ADAM32: variants seen among roughly 807,000 people sequenced by gnomAD.
The protein encoded by ADAM32 is disintegrin and metalloproteinase domain-containing protein 32.
ADAM32 carries 89 observed loss-of-function variants against 114.9 expected under a neutral mutation model. That is an observed-to-expected ratio of 0.77 (90% CI 0.65 to 0.92). The LOEUF is 0.92. Ranked by LOEUF, ADAM32 falls within the 40% of genes least tolerant of loss-of-function variation. The pLI, the probability that ADAM32 is intolerant of heterozygous loss-of-function variation, is 0.00. For synonymous variants in ADAM32, 285 were observed against 307.5 expected, an observed-to-expected ratio of 0.93 and a Z score of 0.77; for missense variants, 870 against 932.8, an observed-to-expected ratio of 0.93 and a Z score of 0.88.
intron 14 of ADAM32, 118 bp downstream of exon 14, chr8:39,223,356 G>A (rs1809117769): frequency 3.8e-6 from 2 of 530,858 alleles, no homozygotes; most frequent in East Asian, 3.7e-5. Context: ...ATAAAATGTG[G>A]AATATTGTTT....
chr8:39,135,611 C>A (rs1214385773), intron 2 of ADAM32, among the ~76,000 whole-genome samples: 18 of 152,272 alleles, frequency 1.2e-4, no homozygotes, highest in Non-Finnish European at 1.5e-5. Context: ...TTGTCTTCTA[C>A]TGTCCATTTT....
intron 2 of ADAM32, among the ~76,000 whole-genome samples, chr8:39,121,643 A>T (rs567305284): frequency 6.6e-6 from 1 of 152,186 alleles, no homozygotes; most frequent in African/African-American, 2.4e-5. Context: ...CAATTCAGAG[A>T]TCATCAGGGC....
chr8:39,115,068 A>AT (rs1488149622), intron 1 of ADAM32, among the ~76,000 whole-genome samples: 2 of 152,212 alleles, frequency 1.3e-5, no homozygotes, highest in Non-Finnish European at 2.9e-5. Context: ...TTATGGCTGT[A>AT]TAGTATTCCA....
chr8:39,119,739 T>C, intron 2 of ADAM32, among the ~76,000 whole-genome samples: 1 of 152,226 alleles, frequency 6.6e-6, no homozygotes, highest in East Asian at 1.9e-4. Flanking sequence ...TTTATGGATC[T>C]TGTTTTTGGT....
intron 19 of ADAM32, among the ~76,000 whole-genome samples, chr8:39,259,408 C>T (rs1585666732): frequency 2.0e-5 from 3 of 152,044 alleles, no homozygotes; most frequent in Admixed American, 6.5e-5. Flanking sequence ...TCCATGTCAG[C>T]AGCTGCTCTC....
chr8:39,184,442 A>C (rs561672152), intron 10 of ADAM32, among the ~76,000 whole-genome samples: 1 of 152,324 alleles, frequency 6.6e-6, no homozygotes, highest in South Asian at 2.1e-4. Flanking sequence ...TTTTGGATTT[A>C]CTGTTAGATG....
chr8:39,161,968 C>T (rs1193782701), intron 7 of ADAM32, among the ~76,000 whole-genome samples: 3 of 148,164 alleles, frequency 2.0e-5, no homozygotes, highest in Non-Finnish European at 3.0e-5. Flanking sequence ...AAAAGCTTCT[C>T]CAAATTGCCA....
At chr8:39,270,781 G>T in intron 19 of ADAM32, 95 bp from the exon 20 acceptor site, 1 of 884,928 alleles carries the variant, frequency 1.1e-6, no homozygotes, top group East Asian at 2.7e-5. Flanking sequence ...AGTCTTATAA[G>T]GAGATAATAC....
intron 11 of ADAM32, among the ~76,000 whole-genome samples, chr8:39,206,524 A>G (rs868119693): frequency 1.2e-4 from 19 of 152,208 alleles, no homozygotes; most frequent in African/African-American, 4.1e-4. Context: ...CTCTGAAGGT[A>G]GATGCAGGTA....
chr8:39,147,922 C>G (rs995143513), intron 4 of ADAM32, among the ~76,000 whole-genome samples: 11 of 152,014 alleles, frequency 7.2e-5, no homozygotes, highest in African/African-American at 2.4e-4. Context: ...TACAGGCATG[C>G]ACCACCATGC....
intron 18 of ADAM32, among the ~76,000 whole-genome samples, chr8:39,256,827 A>C (rs1332438866): frequency 1.3e-5 from 2 of 152,056 alleles, no homozygotes; most frequent in African/African-American, 4.8e-5. Context: ...AATACACTGA[A>C]TTCCTTTGAT....
chr8:39,132,487 AT>A, intron 2 of ADAM32, among the ~76,000 whole-genome samples: 1 of 152,280 alleles, frequency 6.6e-6, no homozygotes, highest in South Asian at 2.1e-4. Context: ...TTACATCCAT[AT>A]TTTTTAAACC....
chr8:39,160,412 C>T (rs1321025579), intron 6 of ADAM32, among the ~76,000 whole-genome samples: 8 of 151,948 alleles, frequency 5.3e-5, no homozygotes, highest in African/African-American at 1.9e-4. Flanking sequence ...TGGTGGCAGG[C>T]GCCTGTAGTC....
At chr8:39,147,985 G>A (rs542416040) in intron 4 of ADAM32, among the ~76,000 whole-genome samples, 152 of 151,908 alleles carry the variant, frequency 1.0e-3, no homozygotes, top group African/African-American at 3.5e-3. Flanking sequence ...CACCATGTTG[G>A]CCAGGCTTGT....
At chr8:39,191,338 A>T (rs1806591600) in intron 11 of ADAM32, among the ~76,000 whole-genome samples, 1 of 152,216 alleles carries the variant, frequency 6.6e-6, no homozygotes, top group Admixed American at 6.5e-5. Flanking sequence ...CACGTTTTCT[A>T]CAATGGTTGA....
intron 19 of ADAM32, among the ~76,000 whole-genome samples, chr8:39,268,112 C>A (rs1731006181): frequency 6.6e-6 from 1 of 152,094 alleles, no homozygotes; most frequent in Non-Finnish European, 1.5e-5. Flanking sequence ...TTGGTTAATA[C>A]CCAGGAATAG....
chr8:39,157,836 A>AC, intron 6 of ADAM32: 2 of 725,722 alleles, frequency 2.8e-6, no homozygotes, highest in Non-Finnish European at 4.6e-6. Flanking sequence ...GGAGGCACTG[A>AC]TCAATTTGCC....
intron 18 of ADAM32, among the ~76,000 whole-genome samples, chr8:39,255,748 A>T (rs1811614690): frequency 6.6e-6 from 1 of 151,952 alleles, no homozygotes; most frequent in Non-Finnish European, 1.5e-5. Context: ...CCTTCTATTT[A>T]TCTTTGTTTT....
At chr8:39,107,974 G>A in intron 1 of ADAM32, 141 bp downstream of exon 1, 3 of 1,173,398 alleles carry the variant, frequency 2.6e-6, no homozygotes, top group Non-Finnish European at 2.3e-6. Context: ...GGGATTAGGC[G>A]CCCCGTCCGG....
Sources: gnomAD v4.1 joint callset for allele counts (sites outside exome capture counted in the v4.1 genomes callset) on GRCh38, gnomAD v4.1.1 for gene constraint, MANE v1.5 for transcripts, NCBI Gene and HGNC (gene_info 2026-07-23, HGNC 2026-07-21) for gene names.